QTMAN: variants seen among roughly 807,000 people sequenced by gnomAD.
QTMAN encodes queuosine-tRNA mannosyltransferase, also known as tRNA-queuosine alpha-mannosyltransferase.
chr2:143,948,217 G>C, the QTMAN span, among the ~76,000 whole-genome samples: 2 of 152,246 alleles, frequency 1.3e-5, no homozygotes, highest in Non-Finnish European at 1.5e-5. Flanking sequence ...AACCACAAAT[G>C]GCTTTTCTGG....
chr2:143,942,759 G>C, the QTMAN span: 1 of 167,082 alleles, frequency 6.0e-6, no homozygotes, highest in East Asian at 1.9e-4. Flanking sequence ...CCTGGCTCCT[G>C]TTAAGCAGAG....
At chr2:144,151,079 A>G in the QTMAN span, among the ~76,000 whole-genome samples, 1 of 152,156 alleles carries the variant, frequency 6.6e-6, no homozygotes, top group African/African-American at 2.4e-5. Context: ...GTTTTGTGGT[A>G]AGAACAATAG....
At chr2:144,025,158 CCAT>C in the QTMAN span, among the ~76,000 whole-genome samples, 1 of 152,220 alleles carries the variant, frequency 6.6e-6, no homozygotes, top group East Asian at 1.9e-4. Context: ...TACTCTTACC[CCAT>C]CACTCTCTAA....
At chr2:144,312,910 G>A in the QTMAN span, among the ~76,000 whole-genome samples, 2 of 152,194 alleles carry the variant, frequency 1.3e-5, no homozygotes, top group East Asian at 3.8e-4. Flanking sequence ...ATGCAGAACT[G>A]TGAGTCAATT....
the QTMAN span, among the ~76,000 whole-genome samples, chr2:144,304,968 G>T: frequency 6.6e-6 from 1 of 152,092 alleles, no homozygotes; most frequent in African/African-American, 2.4e-5. Flanking sequence ...TTATTGAATT[G>T]TAACAGTTCT....
At chr2:144,086,270 T>G in the QTMAN span, among the ~76,000 whole-genome samples, 1 of 152,106 alleles carries the variant, frequency 6.6e-6, no homozygotes, top group Non-Finnish European at 1.5e-5. Flanking sequence ...GTAATGGAGA[T>G]GTAGCTGGAA....
the QTMAN span, among the ~76,000 whole-genome samples, chr2:144,259,596 T>C: frequency 1.3e-5 from 2 of 152,136 alleles, no homozygotes; most frequent in African/African-American, 2.4e-5. Flanking sequence ...CAGGAACAAA[T>C]AATCCGCCAA....
chr2:144,184,588 T>G, the QTMAN span, among the ~76,000 whole-genome samples: 1 of 152,202 alleles, frequency 6.6e-6, no homozygotes, highest in Non-Finnish European at 1.5e-5. Flanking sequence ...ATAGGAAGTA[T>G]TTCTTTTCCT....
the QTMAN span, among the ~76,000 whole-genome samples, chr2:144,237,028 C>A: frequency 6.6e-6 from 1 of 152,102 alleles, no homozygotes; most frequent in Non-Finnish European, 1.5e-5. Flanking sequence ...TAGACAATCA[C>A]CTTCTGGGCA....
At chr2:144,296,999 G>T in the QTMAN span, among the ~76,000 whole-genome samples, 1 of 152,022 alleles carries the variant, frequency 6.6e-6, no homozygotes, top group Non-Finnish European at 1.5e-5. Flanking sequence ...CCCTACATAT[G>T]GAAAACTATT....
the QTMAN span, among the ~76,000 whole-genome samples, chr2:143,955,037 T>C: frequency 3.3e-5 from 5 of 152,184 alleles, no homozygotes; most frequent in Non-Finnish European, 7.4e-5. Flanking sequence ...ATTACTTTTC[T>C]GGAGGGCCTG....
the QTMAN span, among the ~76,000 whole-genome samples, chr2:144,009,966 T>C: frequency 6.6e-6 from 1 of 151,292 alleles, no homozygotes; most frequent in Admixed American, 6.6e-5. Flanking sequence ...AATAAAGCAA[T>C]TGAAGTAACC....
At chr2:144,215,243 A>ATT in the QTMAN span, among the ~76,000 whole-genome samples, 50 of 147,946 alleles carry the variant, frequency 3.4e-4, no homozygotes, top group African/African-American at 1.2e-3. Flanking sequence ...TCCTGTCTTT[A>ATT]TTTTTTAAAA....
chr2:144,164,256 C>T, the QTMAN span, among the ~76,000 whole-genome samples: 1 of 151,576 alleles, frequency 6.6e-6, no homozygotes, highest in African/African-American at 2.4e-5. Flanking sequence ...TGTTTTTGGT[C>T]TTCTGTTTGT....
At chr2:144,264,347 C>CA in the QTMAN span, among the ~76,000 whole-genome samples, 1 of 152,082 alleles carries the variant, frequency 6.6e-6, no homozygotes, top group Non-Finnish European at 1.5e-5. Context: ...GTATGGCACC[C>CA]AAAATCCTTC....
At chr2:144,153,050 C>G in the QTMAN span, among the ~76,000 whole-genome samples, 1 of 152,000 alleles carries the variant, frequency 6.6e-6, no homozygotes, top group Non-Finnish European at 1.5e-5. Flanking sequence ...GTTCTCGGGA[C>G]TAAAAGGATC....
the QTMAN span, among the ~76,000 whole-genome samples, chr2:144,158,842 T>C: frequency 4.6e-5 from 7 of 152,084 alleles, no homozygotes; most frequent in African/African-American, 1.7e-4. Context: ...TCAGCCTTAA[T>C]ATCAGTTTAT....
the QTMAN span, among the ~76,000 whole-genome samples, chr2:144,207,060 T>C: frequency 6.6e-6 from 1 of 152,202 alleles, no homozygotes; most frequent in South Asian, 2.1e-4. Flanking sequence ...AGCAATAGTC[T>C]TATCATTGCC....
At chr2:144,225,657 T>C in the QTMAN span, among the ~76,000 whole-genome samples, 1 of 152,208 alleles carries the variant, frequency 6.6e-6, no homozygotes, top group Non-Finnish European at 1.5e-5. Flanking sequence ...TTTGCCTTCA[T>C]GACCTGTCAA....
Sources: gnomAD v4.1 joint callset for allele counts (sites outside exome capture counted in the v4.1 genomes callset) on GRCh38, gnomAD v4.1.1 for gene constraint, MANE v1.5 for transcripts, NCBI Gene and HGNC (gene_info 2026-07-23, HGNC 2026-07-21) for gene names.